VTI1A: variants seen among roughly 807,000 people sequenced by gnomAD.
VTI1A encodes vesicle transport through interaction with t-SNAREs homolog 1A.
A neutral mutation model predicts 34.9 loss-of-function variants in VTI1A; 22 were observed. That is an observed-to-expected ratio of 0.63 (90% CI 0.45 to 0.90). The LOEUF (loss-of-function observed/expected upper bound fraction) is 0.90, where lower values mean the gene tolerates loss of function less well. Among genes scored for constraint, VTI1A ranks in the 40% least tolerant of loss-of-function variants. VTI1A has a pLI of 0.00. For synonymous variants in VTI1A, 87 were observed against 97.3 expected, an observed-to-expected ratio of 0.89 and a Z score of 0.62; for missense variants, 268 against 275.6, an observed-to-expected ratio of 0.97 and a Z score of 0.20.
intron 3 of VTI1A, among the ~76,000 whole-genome samples, chr10:112,509,803 G>A (rs995423204): frequency 6.6e-6 from 1 of 152,180 alleles, no homozygotes; most frequent in Admixed American, 6.5e-5. Context: ...CAGAACATAG[G>A]TTTAAGTTTA....
rs187760540 is a variant in VTI1A, at chr10:112,790,870, C to G, written c.561-24420C>G. 1.1e-4 allele frequency among the ~76,000 whole-genome samples: 17 copies of G among 151,304 alleles called. 1 individual carries two copies. The highest frequency in any genetic ancestry group is 4.1e-4 in the African/African-American group (17 of 41,124). On this transcript the variant is annotated intron_variant, in intron 7 of 7. Transcript: ENST00000393077. ...CCCTGGTAGGAGGATTTTTGCTGGTCTGTAGAATGTGTTTGTAGAAAGTGT... is the reference window on the plus strand; with the variant it reads ...CCCTGGTAGGAGGATTTTTGCTGGTGTGTAGAATGTGTTTGTAGAAAGTGT...
intron 3 of VTI1A, among the ~76,000 whole-genome samples, chr10:112,507,854 C>T (rs1849483828): frequency 1.3e-5 from 2 of 152,188 alleles, no homozygotes; most frequent in South Asian, 2.1e-4. Context: ...AGAAGTTTGG[C>T]TGGTTTCTTC....
chr10:112,687,747 T>C (rs193017144), intron 7 of VTI1A, among the ~76,000 whole-genome samples: 1 of 152,020 alleles, frequency 6.6e-6, no homozygotes, highest in Admixed American at 6.5e-5. Context: ...TGCTTGCAAA[T>C]AGAGATACAA....
chr10:112,584,044 A>G (rs1844056204), intron 5 of VTI1A, among the ~76,000 whole-genome samples: 2 of 152,190 alleles, frequency 1.3e-5, no homozygotes, highest in South Asian at 4.1e-4. Flanking sequence ...TTCAGATCTA[A>G]TTGGCATAGG....
At chr10:112,759,900 A>T (rs1436436219) in intron 7 of VTI1A, among the ~76,000 whole-genome samples, 1 of 152,176 alleles carries the variant, frequency 6.6e-6, no homozygotes, top group East Asian at 1.9e-4. Context: ...GGGGTGATTG[A>T]ATGTGGATGC....
intron 7 of VTI1A, among the ~76,000 whole-genome samples, chr10:112,723,336 A>G (rs1849879473): frequency 6.6e-6 from 1 of 152,218 alleles, no homozygotes; most frequent in Non-Finnish European, 1.5e-5. Flanking sequence ...TAGCAACATT[A>G]GCAACATACT....
At chr10:112,491,358 A>G (rs1442915135) in intron 3 of VTI1A, among the ~76,000 whole-genome samples, 1 of 152,220 alleles carries the variant, frequency 6.6e-6, no homozygotes, top group Non-Finnish European at 1.5e-5. Context: ...TAGCTGAGTC[A>G]TGTAAGGCCA....
chr10:112,837,969 G>A, the VTI1A span, among the ~76,000 whole-genome samples: 271 of 152,280 alleles, frequency 1.8e-3, 2 homozygotes, highest in African/African-American at 6.3e-3. Context: ...CCTTAAAAGG[G>A]CCCTCTTACG....
Position 112,455,665 on chromosome 10 carries a change from C to CCCTT in VTI1A, c.95-4835_95-4832dup, listed in dbSNP as rs144913637. ...CTCCTTCTCCCCTCCCTCCCTTCCT[C>CCCTT]CCTTCCTTCCTTCCTTCCTTCCTTC... On this transcript the variant is annotated intron_variant, in intron 1 of 7. Transcript: ENST00000393077. Among the ~76,000 whole-genome samples the CCCTT allele has an allele frequency of 7.5e-3, 937 of 125,198 alleles. 23 individuals carry two copies. The highest frequency in any genetic ancestry group is 0.054 in the Admixed American group (639 of 11,924). 82.1% of individuals were successfully genotyped at this position (125,198 alleles called of 152,430 possible).
chr10:112,473,951 A>G (rs1168492394), intron 3 of VTI1A, among the ~76,000 whole-genome samples: 1 of 152,188 alleles, frequency 6.6e-6, no homozygotes, highest in Non-Finnish European at 1.5e-5. Context: ...TAGTAATGCT[A>G]GCAAATTTGC....
At chr10:112,713,033 G>T (rs1422537691) in intron 7 of VTI1A, among the ~76,000 whole-genome samples, 1 of 152,064 alleles carries the variant, frequency 6.6e-6, no homozygotes, top group Non-Finnish European at 1.5e-5. Flanking sequence ...ATAGGACCCC[G>T]TTCTAGCTTT....
At chr10:112,464,821 G>A in intron 3 of VTI1A, 164 bp downstream of exon 3, 1 of 620,386 alleles carries the variant, frequency 1.6e-6, no homozygotes, top group Non-Finnish European at 2.8e-6. Flanking sequence ...TATAGAGATA[G>A]CTAATGGTGG....
At position 112,816,995 on chromosome 10, in the gene VTI1A, G is replaced by C. The variant is rs74664068; in HGVS notation, c.*1612G>C. 2.6e-4 allele frequency: 61 copies of C among 231,912 alleles called. No individual in the cohort carries two copies. Among genetic ancestry groups the C allele is most frequent in the African/African-American group, 1.3e-3 (59 of 45,382 alleles). The allele number at this position is 231,912 out of a possible 1,614,324, so 14.4% of individuals were successfully genotyped here. ...GGAGGGATGGTGTGGGATTTTGGCC[G>C]AGGGAAGCAGGACAGAGAAGGAGCA... On this transcript the variant is annotated 3_prime_UTR_variant, in exon 8 of 8. Transcript: ENST00000393077.
intron 7 of VTI1A, among the ~76,000 whole-genome samples, chr10:112,719,534 A>G (rs1431673596): frequency 2.0e-5 from 3 of 152,052 alleles, no homozygotes; most frequent in African/African-American, 7.2e-5. Context: ...CCATCACCAC[A>G]AACAATTGTA....
chr10:112,524,493 C>CT (rs2134215633), intron 3 of VTI1A, among the ~76,000 whole-genome samples: 1 of 152,166 alleles, frequency 6.6e-6, no homozygotes, highest in East Asian at 1.9e-4. Context: ...CAGTTTTTAC[C>CT]ATCCCAATGG....
At chr10:112,665,595 C>G (rs908295719) in intron 5 of VTI1A, among the ~76,000 whole-genome samples, 27 of 152,094 alleles carry the variant, frequency 1.8e-4, no homozygotes, top group African/African-American at 6.3e-4. Flanking sequence ...TGGTTTATAA[C>G]TCCTGAAAAG....
At chr10:112,697,077 A>G (rs1266292045) in intron 7 of VTI1A, among the ~76,000 whole-genome samples, 1 of 152,220 alleles carries the variant, frequency 6.6e-6, no homozygotes, top group African/African-American at 2.4e-5. Context: ...TCCTAGGTAT[A>G]GTCAAATAGT....
intron 7 of VTI1A, among the ~76,000 whole-genome samples, chr10:112,734,594 A>G (rs1172766164): frequency 6.6e-6 from 1 of 151,968 alleles, no homozygotes; most frequent in East Asian, 1.9e-4. Flanking sequence ...GAAGGCAGAA[A>G]TCTTGCCTTA....
intron 3 of VTI1A, among the ~76,000 whole-genome samples, chr10:112,484,673 T>A (rs1848558456): frequency 6.6e-6 from 1 of 152,132 alleles, no homozygotes; most frequent in African/African-American, 2.4e-5. Context: ...GGGTCATCTA[T>A]TTTTTGTAGT....
Sources: allele counts gnomAD v4.1 joint callset (sites outside exome capture counted in the v4.1 genomes callset), GRCh38; gene constraint gnomAD v4.1.1; transcripts MANE v1.5; gene names NCBI Gene and HGNC (gene_info 2026-07-23, HGNC 2026-07-21).